ZNF652: variants seen among roughly 807,000 people sequenced by gnomAD.
ZNF652 encodes zinc finger protein 652.
A neutral mutation model predicts 45.2 loss-of-function variants in ZNF652; 16 were observed. The ratio of observed to expected loss-of-function variants is 0.35; its 90% CI spans 0.24 to 0.54. ZNF652 has a LOEUF of 0.54. Ranked by LOEUF, ZNF652 falls within the 20% of genes least tolerant of loss-of-function variation. The probability of loss-of-function intolerance (pLI) is 0.91; values close to 1 mark genes in which losing one functional copy is unlikely to be tolerated. For synonymous variants in ZNF652, 250 were observed against 260.6 expected (o/e 0.96, Z 0.39); for missense variants, 614 against 765.6 (o/e 0.80, Z 2.34).
intron 1 of ZNF652, among the ~76,000 whole-genome samples, chr17:49,326,627 A>G (rs1384836853): frequency 6.6e-6 from 1 of 152,234 alleles, no homozygotes; most frequent in Non-Finnish European, 1.5e-5. Flanking sequence ...GGCCTGTCCA[A>G]GAATATTCCC....
chr17:49,345,203 C>CTT (rs796601844), intron 1 of ZNF652, among the ~76,000 whole-genome samples: 22 of 130,902 alleles, frequency 1.7e-4, no homozygotes, highest in Middle Eastern at 3.9e-3. Flanking sequence ...CTAGATTTTT[C>CTT]TTTTTTTTTT....
intron 5 of ZNF652, 142 bp from the exon 6 acceptor site, chr17:49,299,066 T>C: frequency 1.1e-6 from 1 of 885,214 alleles, no homozygotes; most frequent in South Asian, 1.8e-5. Context: ...TCCTCCCATC[T>C]TGGCCTCCCA....
Position 49,295,763 on chromosome 17 carries a change from C to T in ZNF652, c.*2650G>A, listed in dbSNP as rs1260727356. 6.6e-6 allele frequency: 1 copy of T among 151,848 alleles called. No individual in the cohort carries two copies. Among genetic ancestry groups the T allele is most frequent in the African/African-American group, 2.4e-5 (1 of 41,352 alleles). The allele number at this position is 151,848 out of a possible 1,614,324, so 9.4% of individuals were successfully genotyped here. A position where few individuals can be genotyped will look rare whatever the true frequency, so the allele number is the denominator to read the frequency against. On this transcript the variant is annotated 3_prime_UTR_variant, in exon 6 of 6. Transcript: ENST00000430262. The stretch of plus-strand genomic sequence containing the variant: ...GACCAGCCTGGCCAATATGGTGAAA[C>T]CCCATCTCTGCCAAAAATACAAAAC...
intron 1 of ZNF652, among the ~76,000 whole-genome samples, chr17:49,352,371 G>A (rs1184717470): frequency 6.6e-6 from 1 of 151,964 alleles, no homozygotes; most frequent in East Asian, 1.9e-4. Context: ...TGAGAGATGA[G>A]GAAACAAGAG....
At chr17:49,310,771 G>A (rs764273960) in intron 5 of ZNF652, among the ~76,000 whole-genome samples, 2 of 152,002 alleles carry the variant, frequency 1.3e-5, no homozygotes, top group Admixed American at 1.3e-4. Flanking sequence ...GTATGGTGGC[G>A]CACACCTGTG....
chr17:49,348,514 GAAAA>G (rs768217121), intron 1 of ZNF652, among the ~76,000 whole-genome samples: 54 of 124,534 alleles, frequency 4.3e-4, no homozygotes, highest in Middle Eastern at 4.8e-3. Context: ...GAAAAGAAAA[GAAAA>G]GAAAAGAAAA....
Position 49,317,733 on chromosome 17 carries a change from T to C in ZNF652, c.-8A>G, listed in dbSNP as rs756374281. The C allele has an allele frequency of 1.3e-6, 2 of 1,566,338 alleles. No individual in the cohort carries two copies. Among genetic ancestry groups the C allele is most frequent in the East Asian group, 4.5e-5 (2 of 44,152 alleles). ...ACTGGCTGTGTGGCTCATTGGTAAG[T>C]GGCCCAATTTATTAAACAGTTCAGA... On this transcript the variant is annotated 5_prime_UTR_variant, in exon 2 of 6. Transcript: ENST00000430262.
rs917508373 is a variant in ZNF652 at position 49,297,481 on chromosome 17, G to A, written c.*932C>T. On this transcript the variant is annotated 3_prime_UTR_variant, in exon 6 of 6. Coordinates refer to ENST00000430262, the MANE Select transcript of ZNF652 (RefSeq NM_001145365.3). ...TCATGTAATGCACTAACGAAGCCAA[G>A]CAGAACATGGAGGACAGGAGCACAT... is the stretch of plus-strand genomic sequence containing the variant. 9.2e-5 allele frequency: 14 copies of A among 152,420 alleles called. No homozygotes were observed. The highest frequency in any genetic ancestry group is 3.4e-4 in the African/African-American group (14 of 41,422). 9.4% of individuals were successfully genotyped at this position (152,420 alleles called of 1,614,324 possible). A position where few individuals can be genotyped will look rare whatever the true frequency, so the allele number is the denominator to read the frequency against.
chr17:49,342,221 T>C (rs1382994078), intron 1 of ZNF652, among the ~76,000 whole-genome samples: 2 of 151,844 alleles, frequency 1.3e-5, no homozygotes, highest in East Asian at 1.9e-4. Context: ...AAATCTAAAG[T>C]ATTTTTTCGC....
At position 49,321,201 on chromosome 17, in the gene ZNF652, T is replaced by C. The variant is rs142501431; in HGVS notation, c.-258-3218A>G. ...TGGCTAGCAATCTTCCAGGTGATGG[T>C]TGCTCTCAGCTTGGTCCCCTAAGAT... On this transcript the variant is annotated intron_variant, in intron 1 of 5. Coordinates refer to ENST00000430262, the MANE Select transcript of ZNF652 (RefSeq NM_001145365.3). Among the ~76,000 whole-genome samples the C allele has an allele frequency of 1.6e-3, 247 of 152,234 alleles. 1 individual carries two copies. The highest frequency in any genetic ancestry group is 5.6e-3 in the African/African-American group (232 of 41,538).
Position 49,296,645 on chromosome 17 carries a change from T to C in ZNF652, c.*1768A>G, listed in dbSNP as rs1171559335. The C allele has an allele frequency of 6.6e-6, 1 of 152,128 alleles. No homozygotes were observed. The highest frequency in any genetic ancestry group is 2.4e-5 in the African/African-American group (1 of 41,422). The allele number at this position is 152,128 out of a possible 1,614,324, so 9.4% of individuals were successfully genotyped here. ...ACTTGGTTAGCTGAGGCAGGGTTGC[T>C]TGAACCCAAGAGTTGGAGGCTGTAG... On this transcript the variant is annotated 3_prime_UTR_variant, in exon 6 of 6. Coordinates refer to ENST00000430262, the MANE Select transcript of ZNF652 (RefSeq NM_001145365.3).
intron 1 of ZNF652, among the ~76,000 whole-genome samples, chr17:49,360,116 T>C (rs900792714): frequency 6.6e-6 from 1 of 152,192 alleles, no homozygotes; most frequent in Non-Finnish European, 1.5e-5. Context: ...CACATACATT[T>C]CCTTTTTACA....
At chr17:49,351,745 G>A (rs1271363114) in intron 1 of ZNF652, among the ~76,000 whole-genome samples, 2 of 152,168 alleles carry the variant, frequency 1.3e-5, no homozygotes, top group Admixed American at 6.6e-5. Flanking sequence ...CACTTTGGGA[G>A]GCTGAGATGG....
At chr17:49,328,707 A>G (rs1451481983) in intron 1 of ZNF652, among the ~76,000 whole-genome samples, 1 of 152,204 alleles carries the variant, frequency 6.6e-6, no homozygotes, top group South Asian at 2.1e-4. Flanking sequence ...ACAGAAGCCA[A>G]GCAGATGTTG....
Position 49,289,231 on chromosome 17 carries a change from T to C in ZNF652, c.*9182A>G, listed in dbSNP as rs1201372080. On this transcript the variant is annotated 3_prime_UTR_variant, in exon 6 of 6. Coordinates refer to ENST00000430262, the MANE Select transcript of ZNF652 (RefSeq NM_001145365.3). ...TATGGCTGCTTTTTTTTTTTTTTTTTACTTTGAACATTAGCATTAAGTTGG... is the reference window on the plus strand; with the variant it reads ...TATGGCTGCTTTTTTTTTTTTTTTTCACTTTGAACATTAGCATTAAGTTGG... 5.3e-5 allele frequency: 8 copies of C among 149,994 alleles called. No individual in the cohort carries two copies. Among genetic ancestry groups the C allele is most frequent in the Non-Finnish European group, 8.9e-5 (6 of 67,670 alleles). The allele number at this position is 149,994 out of a possible 1,614,324, so 9.3% of individuals were successfully genotyped here. A position where few individuals can be genotyped will look rare whatever the true frequency, so the allele number is the denominator to read the frequency against.
Position 49,317,278 on chromosome 17 carries a change from T to C in ZNF652, c.448A>G (p.Ser150Gly), listed in dbSNP as rs2069821311. Reference protein sequence around the residue: ...QSKETPVLKTSSEEEEEESEE... With the variant: ...QSKETPVLKTGSEEEEEESEE... ...CTCTCTTCCTCTTCCTCCTCACTGC[T>C]TGTCTTAAGAACAGGAGTCTCTTTG... The change falls in exon 2 of 6, where the codon AGC becomes GGC. Residue 150 changes from serine (S) to glycine (G), a missense_variant. Coordinates refer to ENST00000430262, the MANE Select transcript of ZNF652 (RefSeq NM_001145365.3). 6.2e-7 allele frequency: 1 copy of C among 1,612,926 alleles called. No individual in the cohort carries two copies. Among genetic ancestry groups the C allele is most frequent in the Non-Finnish European group, 8.5e-7 (1 of 1,180,010 alleles).
chr17:49,324,734 CTTTTT>C (rs1185007907), intron 1 of ZNF652, among the ~76,000 whole-genome samples: 7 of 96,242 alleles, frequency 7.3e-5, no homozygotes, highest in African/African-American at 3.2e-4. Context: ...TGGGGTAGCA[CTTTTT>C]TTTTTTTTTT....
At chr17:49,353,913 T>TA in intron 1 of ZNF652, among the ~76,000 whole-genome samples, 1 of 152,322 alleles carries the variant, frequency 6.6e-6, no homozygotes, top group Non-Finnish European at 1.5e-5. Flanking sequence ...CACCTGGTCT[T>TA]ACAAACATAA....
In ZNF652 at chr17:49,311,381, T is replaced by C. The variant is rs1488681047; in HGVS notation, c.1240A>G (p.Met414Val). The change falls in exon 5 of 6, where the codon ATG becomes GTG. Residue 414 changes from methionine to valine, a missense_variant. Transcript: ENST00000430262. ...AAATCCTTGCCACACCACTGGCACATGAACTGTTTGTGCCCAATATGAATG... is the reference window on the plus strand; with the variant it reads ...AAATCCTTGCCACACCACTGGCACACGAACTGTTTGTGCCCAATATGAATG... ...MSIHIGHKQFMCQWCGKDFNM... is the reference protein window; with the variant it reads ...MSIHIGHKQFVCQWCGKDFNM... 6.2e-7 allele frequency: 1 copy of C among 1,614,084 alleles called. No homozygotes were observed. Among genetic ancestry groups the C allele is most frequent in the South Asian group, 1.1e-5 (1 of 91,086 alleles).
Sources: allele counts gnomAD v4.1 joint callset (sites outside exome capture counted in the v4.1 genomes callset), GRCh38; gene constraint gnomAD v4.1.1; transcripts MANE v1.5; gene names NCBI Gene and HGNC (gene_info 2026-07-23, HGNC 2026-07-21).